RAB11FIP5: variants seen among roughly 807,000 people sequenced by gnomAD.
RAB11FIP5 encodes the protein rab11 family-interacting protein 5.
In RAB11FIP5, 48 loss-of-function variants were observed where a neutral mutation model predicts 85.1. The ratio of observed to expected loss-of-function variants is 0.56; its 90% confidence interval spans 0.45 to 0.72. The LOEUF (loss-of-function observed/expected upper bound fraction) is 0.72. Among genes scored for constraint, RAB11FIP5 ranks in the 30% least tolerant of loss-of-function variants. The probability of loss-of-function intolerance (pLI) is 0.00; values close to 1 mark genes in which losing one functional copy is unlikely to be tolerated. For missense variants in RAB11FIP5, 1,491 were observed against 1,687.0 expected (o/e 0.88, Z 2.04); for synonymous variants, 729 against 727.3 (o/e 1.00, Z -0.04).
In RAB11FIP5 at chr2:73,075,351, G is replaced by A. The variant is rs1683831127; in HGVS notation, c.*170C>T. Reference sequence around the variant, plus strand: ...TGCACAGAACCTGATGCCTCCAAAGGGAATCCAGAGGGCCCCCTTCCAGCA... The same window carrying A: ...TGCACAGAACCTGATGCCTCCAAAGAGAATCCAGAGGGCCCCCTTCCAGCA... On this transcript the variant is annotated 3_prime_UTR_variant, in exon 6 of 6. Transcript: ENST00000486777. The surrounding 1 kb of genome is among the most constrained non-coding windows in gnomAD (Gnocchi z 4.6). 14 of 747,224 alleles carry A rather than the reference G, an allele frequency of 1.9e-5. No individual in the cohort carries two copies. The highest frequency in any genetic ancestry group is 4.0e-5 in the Admixed American group (2 of 50,372). 46.3% of individuals were successfully genotyped at this position (747,224 alleles called of 1,614,324 possible).
At chr2:73,077,765 A>C (rs574890748) in intron 4 of RAB11FIP5, among the ~76,000 whole-genome samples, 15 of 152,308 alleles carry the variant, frequency 9.8e-5, no homozygotes, top group African/African-American at 3.1e-4. Context: ...CTTCTCTGGG[A>C]TCCTCCAGCA....
Position 73,080,973 on chromosome 2 carries a change from C to G in RAB11FIP5, c.2259G>C (p.Ser753=), listed in dbSNP as rs1574293806. ...AGGCTCTCAGCTGTAGCTGGGCTGA[C>G]GAGGAGGGCAGGCCAGCCCCTACCG... The part of the protein sequence containing the change: ...LGSVGAGLPS[S]SAQLQLRASG... Residue 753 remains serine, a synonymous_variant, in exon 4 of 6, where the codon TCG becomes TCC. Transcript: ENST00000486777. 20 of 1,232,200 alleles carry G rather than the reference C, an allele frequency of 1.6e-5. No individual in the cohort carries two copies. In the South Asian group the frequency reaches 5.3e-4, roughly 33 times the overall value. The allele number at this position is 1,232,200 out of a possible 1,614,324, so 76.3% of individuals were successfully genotyped here. A position where few individuals can be genotyped will look rare whatever the true frequency, so the allele number is the denominator to read the frequency against.
intron 1 of RAB11FIP5, among the ~76,000 whole-genome samples, 168 bp downstream of exon 1, chr2:73,112,179 G>T (rs1684670810): frequency 6.6e-6 from 1 of 152,226 alleles, no homozygotes; most frequent in Admixed American, 6.5e-5. Context: ...CGTTTGGGAA[G>T]CTTGAAGACG....
At chr2:73,102,325 G>A (rs543712675) in intron 1 of RAB11FIP5, among the ~76,000 whole-genome samples, 3 of 152,254 alleles carry the variant, frequency 2.0e-5, no homozygotes, top group African/African-American at 7.2e-5. Flanking sequence ...GGTGAGGCAG[G>A]AGACCAGCAA....
chr2:73,075,751 A>C lies in RAB11FIP5; in HGVS notation c.3772-27T>G. 1 of 1,567,282 alleles carries C rather than the reference A, an allele frequency of 6.4e-7. No homozygotes were observed. The highest frequency in any genetic ancestry group is 1.2e-5 in the South Asian group (1 of 84,724). On this transcript the variant is annotated intron_variant, in intron 5 of 5. Coordinates refer to ENST00000486777, the MANE Select transcript of RAB11FIP5 (RefSeq NM_001371272.1). The surrounding 1 kb of genome is among the most constrained non-coding windows in gnomAD (Gnocchi z 4.6). ...TGAGGCCGGACCGAAGACAGTGAGC[A>C]GGGCAGCCCTAGGCCTGCCTGCCTG...
Position 73,105,887 on chromosome 2 carries a change from T to A in RAB11FIP5, c.431+6460A>T, listed in dbSNP as rs115484741. 6.4e-3 allele frequency among the ~76,000 whole-genome samples: 980 copies of A among 152,188 alleles called. 12 individuals carry two copies. Among genetic ancestry groups the A allele is most frequent in the African/African-American group, 0.022 (932 of 41,524 alleles). ...GGAAGCCAGACTGCCTGGGTTCACA[T>A]CCTGACTTTGTGCCATGTGCTGTGG... On this transcript the variant is annotated intron_variant, in intron 1 of 5. Coordinates refer to ENST00000486777, the MANE Select transcript of RAB11FIP5 (RefSeq NM_001371272.1).
chr2:73,089,620 C>T lies in RAB11FIP5; in HGVS notation c.432-305G>A. 1 of 455,956 alleles carries T rather than the reference C, an allele frequency of 2.2e-6. No homozygotes were observed. Among genetic ancestry groups the T allele is most frequent in the Non-Finnish European group, 4.1e-6 (1 of 244,666 alleles). The allele number at this position is 455,956 out of a possible 1,614,324, so 28.2% of individuals were successfully genotyped here. Reference sequence around the variant, plus strand: ...CACCCCAGGACCTTCTCCTGGTGCTCAGAGACCTCTCCTCTGCCCCATCTC... The same window carrying T: ...CACCCCAGGACCTTCTCCTGGTGCTTAGAGACCTCTCCTCTGCCCCATCTC... On this transcript the variant is annotated intron_variant, in intron 1 of 5. Transcript: ENST00000486777. The surrounding 1 kb of genome is among the most constrained non-coding windows in gnomAD (Gnocchi z 4.6).
intron 1 of RAB11FIP5, among the ~76,000 whole-genome samples, chr2:73,095,611 C>A (rs892541526): frequency 6.6e-6 from 1 of 152,126 alleles, no homozygotes; most frequent in African/African-American, 2.4e-5. Context: ...GATGGGAGGC[C>A]CATTTTACAG....
rs146434453 is a variant in RAB11FIP5, at chr2:73,087,790, T to C, written c.1568+260A>G. 2.3e-3 allele frequency among the ~76,000 whole-genome samples: 347 copies of C among 152,302 alleles called. 2 individuals carry two copies. The highest frequency in any genetic ancestry group is 3.9e-3 in the Non-Finnish European group (263 of 68,012). On this transcript the variant is annotated intron_variant, in intron 3 of 5. Transcript: ENST00000486777. The stretch of plus-strand genomic sequence containing the variant: ...CTCAGGGGGTGGGCATGCCAACTCA[T>C]GCAGCAAGGCCTAGGGCTGAGAAGT...
At chr2:73,092,913 C>T (rs1033942629) in intron 1 of RAB11FIP5, among the ~76,000 whole-genome samples, 17 of 152,164 alleles carry the variant, frequency 1.1e-4, no homozygotes, top group African/African-American at 3.6e-4. Flanking sequence ...CTTGGCCACC[C>T]TGGGCACCCC....
chr2:73,102,599 C>CA (rs1684450311), intron 1 of RAB11FIP5, among the ~76,000 whole-genome samples: 1 of 152,190 alleles, frequency 6.6e-6, no homozygotes, highest in Admixed American at 6.5e-5. Flanking sequence ...AGCACTATGG[C>CA]AGAGCCACTC....
In RAB11FIP5 at chr2:73,080,523, C is replaced by T. The variant is rs576004296; in HGVS notation, c.2709G>A (p.Lys903=). Residue 903 remains lysine (K), a synonymous_variant, in exon 4 of 6, where the codon AAG becomes AAA. Coordinates refer to ENST00000486777, the MANE Select transcript of RAB11FIP5 (RefSeq NM_001371272.1). The part of the protein sequence containing the change: ...KGLQPSTPPP[K]PPRLFTPSRS... ...TTGAGGGTGTGAAGAGGCGCGGTGG[C>T]TTGGGAGGTGGGGTGCTGGGCTGCA... is the stretch of plus-strand genomic sequence containing the variant. 1.2e-5 allele frequency: 15 copies of T among 1,232,886 alleles called. No individual in the cohort carries two copies. Among genetic ancestry groups the T allele is most frequent in the African/African-American group, 3.1e-5 (2 of 64,536 alleles). 76.4% of individuals were successfully genotyped at this position (1,232,886 alleles called of 1,614,324 possible). A position where few individuals can be genotyped will look rare whatever the true frequency, so the allele number is the denominator to read the frequency against.
chr2:73,085,184 C>G (rs1381824425), intron 3 of RAB11FIP5, among the ~76,000 whole-genome samples: 1 of 152,168 alleles, frequency 6.6e-6, no homozygotes, highest in East Asian at 1.9e-4. Context: ...CAAGCTCCTT[C>G]CGCTGCCACA....
chr2:73,096,364 C>T (rs780660733), intron 1 of RAB11FIP5, among the ~76,000 whole-genome samples: 1 of 152,216 alleles, frequency 6.6e-6, no homozygotes, highest in Non-Finnish European at 1.5e-5. Context: ...GGGCAGCTGT[C>T]ACACATACCC....
chr2:73,075,469 G>C lies in RAB11FIP5; in HGVS notation c.*52C>G. ...GATGAGAGAGTTCAGGAGGAGAGAG[G>C]GCAGGCAGCAATAGGTCCATGCCAA... On this transcript the variant is annotated 3_prime_UTR_variant, in exon 6 of 6. Coordinates refer to ENST00000486777, the MANE Select transcript of RAB11FIP5 (RefSeq NM_001371272.1). The surrounding 1 kb of genome is among the most constrained non-coding windows in gnomAD (Gnocchi z 4.6). 1 of 1,542,834 alleles carries C rather than the reference G, an allele frequency of 6.5e-7. No individual in the cohort carries two copies. The highest frequency in any genetic ancestry group is 9.0e-7 in the Non-Finnish European group (1 of 1,115,024).
At chr2:73,097,165 G>A (rs536169639) in intron 1 of RAB11FIP5, among the ~76,000 whole-genome samples, 72 of 152,312 alleles carry the variant, frequency 4.7e-4, no homozygotes, top group African/African-American at 1.7e-3. Context: ...AGCCACCTGA[G>A]TAGCTGGGAT....
At chr2:73,085,431 C>T (rs1478102423) in intron 3 of RAB11FIP5, among the ~76,000 whole-genome samples, 1 of 152,234 alleles carries the variant, frequency 6.6e-6, no homozygotes, top group Non-Finnish European at 1.5e-5. Context: ...GGGATAGACA[C>T]AAAGACAATC....
At position 73,112,517 on chromosome 2, in the gene RAB11FIP5, C is replaced by T. The variant is rs568628020; in HGVS notation, c.261G>A (p.Arg87=). The T allele has an allele frequency of 1.2e-4, 177 of 1,510,448 alleles. No homozygotes were observed. The highest frequency in any genetic ancestry group is 1.4e-4 in the Non-Finnish European group (163 of 1,130,454). 93.6% of individuals were successfully genotyped at this position (1,510,448 alleles called of 1,614,324 possible). ...LPPGALDGLL[R]AQEADAGPAP... The stretch of plus-strand genomic sequence containing the variant: ...CCGGGCCCGCGTCGGCCTCCTGCGC[C>T]CGCAGCAGGCCATCCAGGGCCCCCG... Residue 87 remains arginine (R), a synonymous_variant, in exon 1 of 6, where the codon CGG becomes CGA. Coordinates refer to ENST00000486777, the MANE Select transcript of RAB11FIP5 (RefSeq NM_001371272.1).
chr2:73,096,944 T>C (rs905268218), intron 1 of RAB11FIP5, among the ~76,000 whole-genome samples: 6 of 152,210 alleles, frequency 3.9e-5, no homozygotes, highest in Non-Finnish European at 8.8e-5. Flanking sequence ...CTTCTGGCCA[T>C]GGTTCACTCA....
Sources: allele counts gnomAD v4.1 joint callset (sites outside exome capture counted in the v4.1 genomes callset), GRCh38; gene constraint gnomAD v4.1.1; non-coding constraint Gnocchi (gnomAD v3.1); transcripts MANE v1.5; gene names NCBI Gene and HGNC (gene_info 2026-07-23, HGNC 2026-07-21).